The following RETREG1 variants were observed in gnomAD, a reference collection of about 807,000 sequenced individuals.
RETREG1 encodes family with sequence similarity 134 member B.
In RETREG1, 44 loss-of-function variants were observed where a neutral mutation model predicts 54.8. The observed-to-expected ratio is 0.80, with a 90% CI of 0.63 to 1.03. The LOEUF (loss-of-function observed/expected upper bound fraction) is 1.03, where lower values mean the gene tolerates loss of function less well. Ranked by LOEUF, RETREG1 falls within the 50% of genes least tolerant of loss-of-function variation. The pLI is 0.00. For synonymous variants in RETREG1, 217 were observed against 238.5 expected (o/e 0.91, Z 0.83); for missense variants, 554 against 605.1 (o/e 0.92, Z 0.89).
rs369439330 is a variant in RETREG1 at position 16,572,113 on chromosome 5, G to A, written c.321-11C>T. ...GTCAATGCAAGGAACCTGCAACAGC[G>A]AAACACAAATCAGTATTTCAATTTG... is the stretch of plus-strand genomic sequence containing the variant. On this transcript the variant is annotated splice_polypyrimidine_tract_variant and intron_variant, in intron 1 of 8. Transcript: ENST00000306320. 20 of 1,575,924 alleles carry A rather than the reference G, an allele frequency of 1.3e-5. No homozygotes were observed. The highest frequency in any genetic ancestry group is 1.7e-4 in the Middle Eastern group (1 of 6,012).
At chr5:16,505,661 G>A (rs901024690) in intron 3 of RETREG1, among the ~76,000 whole-genome samples, 15 of 152,252 alleles carry the variant, frequency 9.9e-5, no homozygotes, top group East Asian at 5.8e-4. Flanking sequence ...AACAGGGACC[G>A]TCCCCCTTTC....
chr5:16,567,176 G>T (rs1579690488), intron 2 of RETREG1, among the ~76,000 whole-genome samples: 1 of 152,210 alleles, frequency 6.6e-6, no homozygotes, highest in East Asian at 1.9e-4. Flanking sequence ...CAGTCTAAAG[G>T]CAGGGCTGAA....
chr5:16,549,135 T>C (rs1200555456), intron 3 of RETREG1, among the ~76,000 whole-genome samples: 1 of 152,202 alleles, frequency 6.6e-6, no homozygotes, highest in Non-Finnish European at 1.5e-5. Flanking sequence ...AGGAAAAGCT[T>C]TCTCTTGAAT....
At chr5:16,564,062 A>G (rs1741942303) in intron 3 of RETREG1, among the ~76,000 whole-genome samples, 1 of 152,200 alleles carries the variant, frequency 6.6e-6, no homozygotes, top group South Asian at 2.1e-4. Context: ...TGTCTGCTCT[A>G]TTTATACAAC....
chr5:16,501,401 T>G (rs2126550723), intron 3 of RETREG1, among the ~76,000 whole-genome samples: 1 of 152,350 alleles, frequency 6.6e-6, no homozygotes, highest in Middle Eastern at 3.4e-3. Flanking sequence ...TTAAAATCGT[T>G]CAGTGTTTAC....
In RETREG1 at chr5:16,474,627, T is replaced by C. The variant is rs1450819037; in HGVS notation, c.*114A>G. The C allele has an allele frequency of 7.6e-7, 1 of 1,311,684 alleles. No homozygotes were observed. Among genetic ancestry groups the C allele is most frequent in the Non-Finnish European group, 1.1e-6 (1 of 949,106 alleles). The allele number at this position is 1,311,684 out of a possible 1,614,324, so 81.3% of individuals were successfully genotyped here. On this transcript the variant is annotated 3_prime_UTR_variant, in exon 9 of 9. Coordinates refer to ENST00000306320, the MANE Select transcript of RETREG1 (RefSeq NM_001034850.3). ...TGCAGGAGGGAAAATAAAACAAATC[T>C]AAAGTAATCATTAAAGCTTACAGTT...
intron 8 of RETREG1, 33 bp from the exon 9 acceptor site, chr5:16,475,267 G>T (rs373754266): frequency 1.9e-6 from 3 of 1,604,334 alleles, no homozygotes; most frequent in African/African-American, 2.7e-5. Flanking sequence ...TCAGACTGAA[G>T]CACCATAACA....
chr5:16,523,035 T>G (rs952364967), intron 3 of RETREG1, among the ~76,000 whole-genome samples: 2 of 145,638 alleles, frequency 1.4e-5, no homozygotes, highest in Non-Finnish European at 3.0e-5. Flanking sequence ...AAGAAAGAGA[T>G]AGAGAGAGAG....
At chr5:16,600,746 C>T (rs994668518) in intron 1 of RETREG1, among the ~76,000 whole-genome samples, 1 of 152,292 alleles carries the variant, frequency 6.6e-6, no homozygotes, top group African/African-American at 2.4e-5. Flanking sequence ...TTCAGGAAAG[C>T]CTTCAACACC....
chr5:16,550,242 C>T lies in RETREG1; in HGVS notation c.458+15521G>A, dbSNP rs79567839. The stretch of plus-strand genomic sequence containing the variant: ...ACCTCTAAATAATAATGTCGACTTC[C>T]TTCCTTCTGCATAGTCCCTCCTCTT... On this transcript the variant is annotated intron_variant, in intron 3 of 8. Coordinates refer to ENST00000306320, the MANE Select transcript of RETREG1 (RefSeq NM_001034850.3). Among the ~76,000 whole-genome samples the T allele has an allele frequency of 5.9e-3, 885 of 150,998 alleles. 12 individuals are homozygous for T. Among genetic ancestry groups the T allele is most frequent in the African/African-American group, 0.02 (817 of 41,208 alleles).
chr5:16,520,119 G>T (rs1402315589), intron 3 of RETREG1, among the ~76,000 whole-genome samples: 1 of 152,190 alleles, frequency 6.6e-6, no homozygotes, highest in East Asian at 1.9e-4. Context: ...GGCCAGCCCG[G>T]TGGGAGAGAA....
At chr5:16,475,316 T>G (rs1738490921) in intron 8 of RETREG1, 82 bp from the exon 9 acceptor site, 1 of 1,510,906 alleles carries the variant, frequency 6.6e-7, no homozygotes, top group African/African-American at 1.4e-5. Context: ...TATCTGACTT[T>G]AATCTGAACC....
At chr5:16,558,784 C>A (rs1292053887) in intron 3 of RETREG1, among the ~76,000 whole-genome samples, 2 of 152,208 alleles carry the variant, frequency 1.3e-5, no homozygotes, top group African/African-American at 4.8e-5. Flanking sequence ...GTGATTAAAC[C>A]TCTTAAGCTA....
At chr5:16,565,104 G>A (rs749456781) in intron 3 of RETREG1, among the ~76,000 whole-genome samples, 12 of 151,938 alleles carry the variant, frequency 7.9e-5, no homozygotes, top group African/African-American at 1.5e-4. Context: ...TCATTTTCCC[G>A]CCTCTCATAC....
rs73045925 is a variant in RETREG1 at position 16,536,502 on chromosome 5, C to T, written c.458+29261G>A. ...AGCAGGAATCGCCAGCCTGGTTCAC[C>T]CCTGGACCCTGACATGCCAACACGT... On this transcript the variant is annotated intron_variant, in intron 3 of 8. Transcript: ENST00000306320. Among the ~76,000 whole-genome samples the T allele has an allele frequency of 3.5e-3, 539 of 152,094 alleles. 2 individuals carry two copies. Among genetic ancestry groups the T allele is most frequent in the African/African-American group, 0.013 (520 of 41,492 alleles).
At chr5:16,525,533 A>T (rs749175565) in intron 3 of RETREG1, among the ~76,000 whole-genome samples, 60 of 152,318 alleles carry the variant, frequency 3.9e-4, no homozygotes, top group African/African-American at 1.4e-3. Context: ...CTCTTGAGCA[A>T]GTCAGCTGGG....
At chr5:16,483,031 C>G (rs1221414195) in intron 4 of RETREG1, 2 of 294,242 alleles carry the variant, frequency 6.8e-6, no homozygotes, top group Non-Finnish European at 1.3e-5. Flanking sequence ...AGGCTAAATA[C>G]GATAACTGAA....
At chr5:16,490,732 G>T (rs1185218535) in intron 3 of RETREG1, among the ~76,000 whole-genome samples, 1 of 152,160 alleles carries the variant, frequency 6.6e-6, no homozygotes, top group African/African-American at 2.4e-5. Flanking sequence ...GTAATGCATA[G>T]AACTGGGAAT....
chr5:16,551,288 C>T (rs1260185890), intron 3 of RETREG1, among the ~76,000 whole-genome samples: 1 of 136,206 alleles, frequency 7.3e-6, no homozygotes, highest in Non-Finnish European at 1.7e-5. Flanking sequence ...CCTCCTCCTC[C>T]ACACATATAA....
Sources: allele counts gnomAD v4.1 joint callset (sites outside exome capture counted in the v4.1 genomes callset), GRCh38; gene constraint gnomAD v4.1.1; transcripts MANE v1.5; gene names NCBI Gene and HGNC (gene_info 2026-07-23, HGNC 2026-07-21).